Variants in TNIK observed in about 807,000 individuals in gnomAD.
TNIK encodes TRAF2 and NCK-interacting protein kinase.
Under a neutral mutation model 191.3 loss-of-function variants are expected in TNIK, and 49 were observed. That is an observed-to-expected ratio of 0.26 (90% CI 0.20 to 0.32). The LOEUF is 0.32. Ranked by LOEUF, TNIK falls within the 10% of genes least tolerant of loss-of-function variation. The pLI is 1.00. For synonymous variants in TNIK, 594 were observed against 600.9 expected (o/e 0.99, Z 0.17); for missense variants, 1,155 against 1,702.3 (o/e 0.68, Z 5.66).
chr3:171,222,223 T>C (rs765821836), intron 3 of TNIK, among the ~76,000 whole-genome samples: 1 of 152,140 alleles, frequency 6.6e-6, no homozygotes. Flanking sequence ...TAATAAGATG[T>C]CTGTGGAGAG....
chr3:171,162,651 C>A (rs960163600), intron 10 of TNIK, among the ~76,000 whole-genome samples: 5 of 152,242 alleles, frequency 3.3e-5, no homozygotes, highest in Admixed American at 2.6e-4. Flanking sequence ...GGGTATCTCC[C>A]ACACCAGTCA....
At chr3:171,452,806 A>G (rs550888631) in intron 1 of TNIK, among the ~76,000 whole-genome samples, 2 of 151,484 alleles carry the variant, frequency 1.3e-5, no homozygotes, top group South Asian at 4.2e-4. Flanking sequence ...GGTATTTTAA[A>G]TCTCTCAAAA....
intron 2 of TNIK, among the ~76,000 whole-genome samples, chr3:171,247,018 CTG>C (rs1745667179): frequency 6.6e-6 from 1 of 152,350 alleles, no homozygotes; most frequent in East Asian, 1.9e-4. Context: ...GGGCTTAAGT[CTG>C]TGTATGGCTA....
intron 3 of TNIK, among the ~76,000 whole-genome samples, chr3:171,224,384 C>T (rs1174016192): frequency 6.6e-6 from 1 of 151,950 alleles, no homozygotes; most frequent in Non-Finnish European, 1.5e-5. Flanking sequence ...GTCCTATATG[C>T]ACTTCAGGGT....
chr3:171,291,164 C>G (rs1751640039), intron 2 of TNIK, among the ~76,000 whole-genome samples: 1 of 152,172 alleles, frequency 6.6e-6, no homozygotes, highest in Admixed American at 6.5e-5. Flanking sequence ...CTCCCACCGC[C>G]ATAGTACTGT....
intron 25 of TNIK, 35 bp from the exon 26 acceptor site, chr3:171,084,360 C>T: frequency 6.3e-7 from 1 of 1,594,736 alleles, no homozygotes; most frequent in Non-Finnish European, 8.6e-7. Flanking sequence ...TCAGTGACAT[C>T]TTAAAAGATA....
intron 18 of TNIK, 22 bp downstream of exon 18, chr3:171,123,574 C>A: frequency 6.6e-7 from 1 of 1,516,020 alleles, no homozygotes. Flanking sequence ...CTTCTTTTAC[C>A]ATAACCACCT....
intron 2 of TNIK, among the ~76,000 whole-genome samples, chr3:171,277,330 C>T (rs1366007870): frequency 1.3e-5 from 2 of 152,000 alleles, no homozygotes; most frequent in Non-Finnish European, 2.9e-5. Context: ...ACAAAACAGA[C>T]TAAGACACTA....
intron 4 of TNIK, among the ~76,000 whole-genome samples, chr3:171,199,143 G>T (rs1739087507): frequency 6.6e-6 from 1 of 151,944 alleles, no homozygotes; most frequent in Non-Finnish European, 1.5e-5. Context: ...CCAGCTGAAG[G>T]CTGCTAAATT....
intron 2 of TNIK, among the ~76,000 whole-genome samples, chr3:171,253,136 T>C (rs1410880791): frequency 3.4e-5 from 5 of 145,208 alleles, no homozygotes; most frequent in African/African-American, 1.2e-4. Context: ...AAAAAAAAAT[T>C]AGCCGGGCGT....
intron 2 of TNIK, among the ~76,000 whole-genome samples, chr3:171,337,347 C>CGGAAAGCAGGTTTTGAACAGGG (rs1757058948): frequency 6.6e-6 from 1 of 152,152 alleles, no homozygotes; most frequent in Non-Finnish European, 1.5e-5. Context: ...GCAAGAGGAA[C>CGGAAAGCAGGTTTTGAACAGGG]GGAAAGCAGG....
At chr3:171,218,863 TATAA>T (rs1391304211) in intron 3 of TNIK, among the ~76,000 whole-genome samples, 1 of 133,782 alleles carries the variant, frequency 7.5e-6, no homozygotes, top group East Asian at 2.2e-4. Flanking sequence ...ATATATTTAA[TATAA>T]ATATATTTTA....
chr3:171,284,898 C>A (rs572008158), intron 2 of TNIK, among the ~76,000 whole-genome samples: 1 of 152,164 alleles, frequency 6.6e-6, no homozygotes, highest in Admixed American at 6.5e-5. Context: ...TCAGAGAAAG[C>A]GTGCGCTGAC....
chr3:171,268,307 G>C (rs755163193), intron 2 of TNIK, among the ~76,000 whole-genome samples: 6 of 152,026 alleles, frequency 3.9e-5, no homozygotes, highest in African/African-American at 1.4e-4. Flanking sequence ...TTTGCTATGT[G>C]ATCATCTTCC....
intron 2 of TNIK, among the ~76,000 whole-genome samples, chr3:171,276,372 G>C (rs1343003070): frequency 6.6e-6 from 1 of 152,182 alleles, no homozygotes; most frequent in African/African-American, 2.4e-5. Flanking sequence ...GGAGCAGAAA[G>C]ATGGAGGAAC....
chr3:171,446,812 T>A, intron 1 of TNIK, among the ~76,000 whole-genome samples: 1 of 150,542 alleles, frequency 6.6e-6, no homozygotes. Context: ...TGTCTCCAAT[T>A]CTTAAAAAAC....
At chr3:171,389,939 C>T (rs563928091) in intron 1 of TNIK, among the ~76,000 whole-genome samples, 2 of 152,202 alleles carry the variant, frequency 1.3e-5, no homozygotes, top group Admixed American at 6.5e-5. Context: ...GGCTGGCAAC[C>T]TGATGTGCCT....
At chr3:171,329,354 T>C (rs190860225) in intron 2 of TNIK, among the ~76,000 whole-genome samples, 35 of 118,388 alleles carry the variant, frequency 3.0e-4, no homozygotes, top group Middle Eastern at 4.0e-3. Context: ...CCCACTAATA[T>C]ATATCAAAAA....
At chr3:171,405,217 A>G (rs1171616932) in intron 1 of TNIK, among the ~76,000 whole-genome samples, 1 of 152,200 alleles carries the variant, frequency 6.6e-6, no homozygotes, top group East Asian at 1.9e-4. Flanking sequence ...GAAAACTCCC[A>G]GTAGATTTAA....
Sources: gnomAD v4.1 joint callset for allele counts (sites outside exome capture counted in the v4.1 genomes callset) on GRCh38, gnomAD v4.1.1 for gene constraint, MANE v1.5 for transcripts, NCBI Gene and HGNC (gene_info 2026-07-23, HGNC 2026-07-21) for gene names.